The following NEDD1 variants were observed in gnomAD, a reference collection of about 807,000 sequenced individuals.
The protein encoded by NEDD1 is protein NEDD1.
A neutral mutation model predicts 74.0 loss-of-function variants in NEDD1; 33 were observed. That is an observed-to-expected ratio of 0.45 (90% CI 0.34 to 0.60). The LOEUF (loss-of-function observed/expected upper bound fraction) is 0.60, where lower values mean the gene tolerates loss of function less well. NEDD1 is among the 20% of genes least tolerant of loss of function. The pLI is 0.01. For missense variants in NEDD1, 746 were observed against 776.5 expected (o/e 0.96, Z 0.47); for synonymous variants, 250 against 264.4 (o/e 0.95, Z 0.53).
chr12:96,950,276 T>G (rs991001593), intron 14 of NEDD1, among the ~76,000 whole-genome samples: 2 of 151,978 alleles, frequency 1.3e-5, no homozygotes, highest in African/African-American at 4.8e-5. Flanking sequence ...CTGGTAATAC[T>G]AAGTCTTGAT....
At chr12:96,907,362 G>C (rs568039870) in intron 1 of NEDD1, 62 bp downstream of exon 1, 1 of 418,482 alleles carries the variant, frequency 2.4e-6, no homozygotes, top group African/African-American at 2.1e-5. Flanking sequence ...GCACCCTCCC[G>C]ATCCTAAGAC....
At chr12:96,921,369 T>G (rs1428495268) in intron 6 of NEDD1, among the ~76,000 whole-genome samples, 1 of 152,060 alleles carries the variant, frequency 6.6e-6, no homozygotes, top group African/African-American at 2.4e-5. Flanking sequence ...TTAGTAGAGA[T>G]GGGGTTTCAC....
intron 7 of NEDD1, 112 bp from the exon 8 acceptor site, chr12:96,936,497 CTT>C: frequency 3.0e-6 from 2 of 673,688 alleles, no homozygotes. Context: ...TATGTGTGCT[CTT>C]TGACCAGTTT....
intron 6 of NEDD1, among the ~76,000 whole-genome samples, chr12:96,933,236 C>T (rs143496804): frequency 7.9e-5 from 12 of 151,994 alleles, no homozygotes; most frequent in African/African-American, 1.9e-4. Flanking sequence ...TTATGAACTT[C>T]GAGAATCTAC....
At chr12:96,917,258 A>G (rs1388711011) in intron 4 of NEDD1, among the ~76,000 whole-genome samples, 1 of 152,182 alleles carries the variant, frequency 6.6e-6, no homozygotes, top group Non-Finnish European at 1.5e-5. Context: ...ATTGATTTTA[A>G]TGTAGGATAT....
chr12:96,930,115 G>A, intron 6 of NEDD1, among the ~76,000 whole-genome samples: 1 of 140,326 alleles, frequency 7.1e-6, no homozygotes, highest in East Asian at 2.1e-4. Context: ...GTTGTCCGTG[G>A]GATTTTAGTT....
intron 5 of NEDD1, 36 bp downstream of exon 5, chr12:96,917,773 G>A (rs1276567152): frequency 6.5e-7 from 1 of 1,529,210 alleles, no homozygotes; most frequent in Non-Finnish European, 8.7e-7. Flanking sequence ...TGAAAAAATG[G>A]ATATCTTAAT....
At chr12:96,932,459 AAAAAAT>A (rs1337285158) in intron 6 of NEDD1, among the ~76,000 whole-genome samples, 5 of 12,086 alleles carry the variant, frequency 4.1e-4, no homozygotes, top group African/African-American at 1.1e-3. Flanking sequence ...AAAAAAAAAA[AAAAAAT>A]ATATATATAT....
Position 96,917,660 on chromosome 12 carries a change from T to C in NEDD1, c.271T>C (p.Tyr91His). Reference protein sequence around the residue: ...TCVNLNSTSMYLVSGGLNNTV... With the variant: ...TCVNLNSTSMHLVSGGLNNTV... The stretch of plus-strand genomic sequence containing the variant: ...TGTCAATTTAAATTCTACATCTATG[T>C]ATTTGGTAAGCGGAGGCCTAAATAA... The change falls in exon 5 of 16, where the codon TAT (tyrosine) becomes CAT (histidine). Residue 91 changes from tyrosine to histidine, a missense_variant. Physicochemically the swap from Tyr to His is moderately conservative, Grantham distance 83 (BLOSUM62 2). Around this residue, in one of 3 missense-constraint regions of NEDD1, gnomAD observed 706 missense variants for 706.7 expected, o/e 1.00. Transcript: ENST00000266742. 1 of 1,554,120 alleles carries C rather than the reference T, an allele frequency of 6.4e-7. No individual in the cohort carries two copies. Among genetic ancestry groups the C allele is most frequent in the Non-Finnish European group, 8.6e-7 (1 of 1,161,002 alleles).
intron 6 of NEDD1, among the ~76,000 whole-genome samples, chr12:96,925,440 A>G (rs1875590579): frequency 6.6e-6 from 1 of 152,320 alleles, no homozygotes; most frequent in East Asian, 1.9e-4. Context: ...TCATTTTACA[A>G]ATGAGAAAAC....
At chr12:96,908,010 C>T (rs1362891476) in intron 2 of NEDD1, among the ~76,000 whole-genome samples, 154 bp downstream of exon 2, 1 of 152,182 alleles carries the variant, frequency 6.6e-6, no homozygotes, top group African/African-American at 2.4e-5. Context: ...CTACACCCCG[C>T]AGCTCACCAG....
chr12:96,932,742 G>A (rs1876683933), intron 6 of NEDD1, among the ~76,000 whole-genome samples: 2 of 151,348 alleles, frequency 1.3e-5, no homozygotes, highest in African/African-American at 2.4e-5. Context: ...GTTGAATGGT[G>A]GGTACATAAG....
Position 96,912,825 on chromosome 12 carries a change from A to ATTT in NEDD1, c.231+20_231+22dup. 1.7e-5 allele frequency: 20 copies of ATTT among 1,184,784 alleles called. No individual in the cohort carries two copies. The highest frequency in any genetic ancestry group is 2.7e-5 in the East Asian group (1 of 36,758). 73.4% of individuals were successfully genotyped at this position (1,184,784 alleles called of 1,614,324 possible). On this transcript the variant is annotated intron_variant, in intron 4 of 15. Coordinates refer to ENST00000266742, the MANE Select transcript of NEDD1 (RefSeq NM_152905.4). ...TTAGAGCTTGCTGAAGGGGTAAGTG[A>ATTT]TTTTTTTTTTTTTTAAACTTTTAAA...
chr12:96,953,484 A>AT lies in NEDD1; in HGVS notation c.*1432dup, dbSNP rs1334442866. 1 of 151,718 alleles carries AT rather than the reference A, an allele frequency of 6.6e-6. No individual in the cohort carries two copies. Among genetic ancestry groups the AT allele is most frequent in the Non-Finnish European group, 1.5e-5 (1 of 67,790 alleles). The allele number at this position is 151,718 out of a possible 1,614,324, so 9.4% of individuals were successfully genotyped here. A position where few individuals can be genotyped will look rare whatever the true frequency, so the allele number is the denominator to read the frequency against. ...TATATCACTAACAGGTTTAGAAGAC[A>AT]TAAATATTAGTGTGTTTTGCCTACA... On this transcript the variant is annotated 3_prime_UTR_variant, in exon 16 of 16. Transcript: ENST00000266742.
chr12:96,952,276 C>T lies in NEDD1; in HGVS notation c.*223C>T. The T allele has an allele frequency of 3.5e-6, 1 of 286,616 alleles. No individual in the cohort carries two copies. Among genetic ancestry groups the T allele is most frequent in the African/African-American group, 2.2e-5 (1 of 45,702 alleles). The allele number at this position is 286,616 out of a possible 1,614,324, so 17.8% of individuals were successfully genotyped here. A position where few individuals can be genotyped will look rare whatever the true frequency, so the allele number is the denominator to read the frequency against. On this transcript the variant is annotated 3_prime_UTR_variant, in exon 16 of 16. Coordinates refer to ENST00000266742, the MANE Select transcript of NEDD1 (RefSeq NM_152905.4). Reference sequence around the variant, plus strand: ...GTCATCTACCCAATAGGAAAGTCAACAGGATCTTTATTTTTTGAAAGCTTT... The same window carrying T: ...GTCATCTACCCAATAGGAAAGTCAATAGGATCTTTATTTTTTGAAAGCTTT...
At chr12:96,944,846 T>C (rs1878040690) in intron 13 of NEDD1, 51 bp downstream of exon 13, 1 of 1,314,478 alleles carries the variant, frequency 7.6e-7, no homozygotes, top group Non-Finnish European at 1.0e-6. Context: ...TGAAAAATCA[T>C]CCCCATTATT....
At chr12:96,933,660 T>C (rs1215579843) in intron 6 of NEDD1, among the ~76,000 whole-genome samples, 1 of 152,160 alleles carries the variant, frequency 6.6e-6, no homozygotes, top group Admixed American at 6.5e-5. Flanking sequence ...TAATAACTCC[T>C]TTTTGTTTTT....
intron 9 of NEDD1, among the ~76,000 whole-genome samples, chr12:96,938,231 T>C (rs1361587597): frequency 6.6e-6 from 1 of 152,036 alleles, no homozygotes; most frequent in East Asian, 1.9e-4. Flanking sequence ...ATATTCACTA[T>C]AAATTTCCTG....
intron 12 of NEDD1, among the ~76,000 whole-genome samples, chr12:96,944,237 AT>A (rs1300249288): frequency 7.2e-5 from 11 of 151,990 alleles, no homozygotes; most frequent in African/African-American, 2.7e-4. Flanking sequence ...ATATGTCTGT[AT>A]TTTCGTATTT....
Sources: allele counts gnomAD v4.1 joint callset (sites outside exome capture counted in the v4.1 genomes callset), GRCh38; gene constraint gnomAD v4.1.1; regional missense constraint gnomAD v4.1.1; transcripts MANE v1.5; gene names NCBI Gene and HGNC (gene_info 2026-07-23, HGNC 2026-07-21).